The following TYW1 variants were observed in gnomAD, a reference collection of about 807,000 sequenced individuals.
TYW1 encodes tRNA-yW synthesizing protein 1 homolog.
Under a neutral mutation model 96.2 loss-of-function variants are expected in TYW1, and 46 were observed. The observed-to-expected ratio is 0.48, with a 90% confidence interval of 0.38 to 0.61. The LOEUF is 0.61. Among genes scored for constraint, TYW1 ranks in the 20% least tolerant of loss-of-function variants. The pLI is 0.00. For synonymous variants in TYW1, 274 were observed against 323.0 expected, an observed-to-expected ratio of 0.85 and a Z score of 1.63; for missense variants, 684 against 909.6, an observed-to-expected ratio of 0.75 and a Z score of 3.19.
intron 15 of TYW1, among the ~76,000 whole-genome samples, chr7:67,213,708 A>G (rs1336236206): frequency 2.0e-5 from 3 of 152,246 alleles, no homozygotes; most frequent in Admixed American, 6.5e-5. Context: ...TTAGATCTGT[A>G]TCTAGATTTA....
Position 67,158,082 on chromosome 7 carries a change from A to ATTTT in TYW1, c.1699-25023_1699-25020dup, listed in dbSNP as rs560215948. 4.0e-3 allele frequency among the ~76,000 whole-genome samples: 404 copies of ATTTT among 102,144 alleles called. 9 individuals are homozygous for ATTTT. The highest frequency in any genetic ancestry group is 5.7e-3 in the Non-Finnish European group (303 of 53,282). 67.0% of individuals were successfully genotyped at this position (102,144 alleles called of 152,430 possible). A position where few individuals can be genotyped will look rare whatever the true frequency, so the allele number is the denominator to read the frequency against. On this transcript the variant is annotated intron_variant, in intron 13 of 15. Transcript: ENST00000359626. Reference sequence around the variant, plus strand: ...CCTCTTAATTCCTTGTTTGCTGAGGATTTTTTTTTTTTTTTTTTTTTTTTG... The same window carrying ATTTT: ...CCTCTTAATTCCTTGTTTGCTGAGGATTTTTTTTTTTTTTTTTTTTTTTTTTTTG...
intron 11 of TYW1, among the ~76,000 whole-genome samples, chr7:67,084,471 C>T (rs1796480726): frequency 6.6e-6 from 1 of 152,058 alleles, no homozygotes; most frequent in African/African-American, 2.4e-5. Flanking sequence ...TTGTTGGTTT[C>T]CTTTCCCAGA....
At chr7:67,071,901 C>T (rs1228748114) in intron 10 of TYW1, among the ~76,000 whole-genome samples, 1 of 151,914 alleles carries the variant, frequency 6.6e-6, no homozygotes, top group Non-Finnish European at 1.5e-5. Context: ...GGATTACAGA[C>T]TTGAGCCACC....
intron 3 of TYW1, among the ~76,000 whole-genome samples, chr7:67,007,698 G>A (rs980708833): frequency 2.6e-4 from 39 of 151,972 alleles, no homozygotes; most frequent in African/African-American, 9.2e-4. Flanking sequence ...AGTGTGGCAC[G>A]ATCTCGGCTC....
In TYW1 at chr7:67,083,462, G is replaced by T; in HGVS notation, c.1307G>T (p.Arg436Leu). The change falls in exon 11 of 16, where the codon CGG (arginine) becomes CTG (leucine). Residue 436 changes from arginine (R) to leucine (L), a missense_variant. Coordinates refer to ENST00000359626, the MANE Select transcript of TYW1 (RefSeq NM_018264.4). The part of the protein sequence containing the change: ...HHTNPVGTEW[R>L]WKMDQPEMIL... ...ACCAACCCCGTGGGCACTGAGTGGC[G>T]GTGGAAGATGGACCAGCCTGAAATG... 6.2e-7 allele frequency: 1 copy of T among 1,614,114 alleles called. No individual in the cohort carries two copies. The highest frequency in any genetic ancestry group is 1.1e-5 in the South Asian group (1 of 91,084).
chr7:67,091,235 T>TA (rs1238570339), intron 11 of TYW1, among the ~76,000 whole-genome samples: 1 of 150,918 alleles, frequency 6.6e-6, no homozygotes, highest in Non-Finnish European at 1.5e-5. Flanking sequence ...TATGCAGCCA[T>TA]AAAAAAGGAT....
At chr7:67,227,282 C>T (rs1004192236) in intron 15 of TYW1, among the ~76,000 whole-genome samples, 7 of 151,872 alleles carry the variant, frequency 4.6e-5, no homozygotes, top group South Asian at 2.1e-4. Flanking sequence ...TTGAGATGGG[C>T]GTCTCACTCT....
At chr7:67,183,304 G>A (rs923014034) in intron 14 of TYW1, 68 bp downstream of exon 14, 113 of 1,449,326 alleles carry the variant, frequency 7.8e-5, no homozygotes, top group Admixed American at 8.4e-5. Flanking sequence ...GTTGGCCATC[G>A]TGGAGTTAAA....
intron 13 of TYW1, among the ~76,000 whole-genome samples, chr7:67,132,357 G>C (rs10242919): frequency 6.6e-6 from 1 of 151,544 alleles, no homozygotes; most frequent in Admixed American, 6.6e-5. Flanking sequence ...TGATCCTCTC[G>C]CTTTGGCCTC....
chr7:67,010,300 A>C (rs966837435), intron 4 of TYW1, among the ~76,000 whole-genome samples: 1 of 151,214 alleles, frequency 6.6e-6, no homozygotes, highest in African/African-American at 2.4e-5. Context: ...CCTGGCCCCT[A>C]CTATTTTTAT....
chr7:67,087,814 C>T lies in TYW1; in HGVS notation c.1384+4275C>T, dbSNP rs917435596. On this transcript the variant is annotated intron_variant, in intron 11 of 15. Transcript: ENST00000359626. ...TGCGGAGGGTGTAGATGGGTCAGCA[C>T]GTAGGCATAAGGGAGCCTCATTTGT... Among the ~76,000 whole-genome samples, 6 of 152,128 alleles carry T rather than the reference C, an allele frequency of 3.9e-5. No homozygotes were observed. In the South Asian group the frequency reaches 6.2e-4, roughly 16 times the overall value.
rs557844993 is a variant in TYW1, at chr7:67,209,718, G to A, written c.1977+14381G>A. On this transcript the variant is annotated intron_variant, in intron 15 of 15. Transcript: ENST00000359626. Reference sequence around the variant, plus strand: ...CTCCTGAGTAGCTGGGATTACAAGCGCACGCCACCACGCCCGGCTACTTTT... The same window carrying A: ...CTCCTGAGTAGCTGGGATTACAAGCACACGCCACCACGCCCGGCTACTTTT... 5.9e-5 allele frequency among the ~76,000 whole-genome samples: 9 copies of A among 152,016 alleles called. 1 individual carries two copies. The South Asian group carries it at 6.3e-4, about 11-fold the overall frequency.
chr7:67,043,819 G>C (rs1795101039), intron 7 of TYW1, among the ~76,000 whole-genome samples: 1 of 152,072 alleles, frequency 6.6e-6, no homozygotes, highest in Admixed American at 6.6e-5. Flanking sequence ...ACACGCTTGG[G>C]CACGCTGCTT....
intron 6 of TYW1, among the ~76,000 whole-genome samples, chr7:67,021,308 C>G (rs1407619340): frequency 1.3e-5 from 2 of 152,290 alleles, no homozygotes; most frequent in Admixed American, 6.5e-5. Context: ...TGCAGTCCGG[C>G]CCACATCTTT....
chr7:67,104,919 C>T (rs1190080019), intron 12 of TYW1, among the ~76,000 whole-genome samples: 6 of 152,222 alleles, frequency 3.9e-5, no homozygotes, highest in Non-Finnish European at 7.3e-5. Flanking sequence ...ATTTATTTAG[C>T]TCATAATTCT....
intron 7 of TYW1, among the ~76,000 whole-genome samples, chr7:67,047,355 A>G (rs1795217128): frequency 6.6e-6 from 1 of 152,224 alleles, no homozygotes; most frequent in South Asian, 2.1e-4. Flanking sequence ...ACATAGCGAG[A>G]CTTCATCTCA....
At chr7:67,073,932 A>G (rs1320178406) in intron 10 of TYW1, among the ~76,000 whole-genome samples, 1 of 149,840 alleles carries the variant, frequency 6.7e-6, no homozygotes, top group Non-Finnish European at 1.5e-5. Context: ...AATAGAAAAC[A>G]TTAGCCGGGC....
chr7:67,019,400 G>T (rs930410975), intron 6 of TYW1, among the ~76,000 whole-genome samples: 1 of 152,004 alleles, frequency 6.6e-6, no homozygotes, highest in Non-Finnish European at 1.5e-5. Flanking sequence ...GTTTCATCAT[G>T]TTGGTTAGGC....
intron 15 of TYW1, among the ~76,000 whole-genome samples, chr7:67,207,087 C>T (rs547438310): frequency 1.3e-5 from 2 of 152,332 alleles, no homozygotes; most frequent in South Asian, 4.1e-4. Context: ...TGTAGTTCCA[C>T]TCTTTAAAAT....
Sources: allele counts gnomAD v4.1 joint callset (sites outside exome capture counted in the v4.1 genomes callset), GRCh38; gene constraint gnomAD v4.1.1; transcripts MANE v1.5; gene names NCBI Gene and HGNC (gene_info 2026-07-23, HGNC 2026-07-21).